Variants in FCGRT observed in about 807,000 individuals in gnomAD.
The protein encoded by FCGRT is Fc gamma receptor and transporter.
In FCGRT, 13 loss-of-function variants were observed where a neutral mutation model predicts 35.7. The ratio of observed to expected loss-of-function variants is 0.36; its 90% CI spans 0.24 to 0.58. The LOEUF (loss-of-function observed/expected upper bound fraction) is 0.58. Ranked by LOEUF, FCGRT falls within the 20% of genes least tolerant of loss-of-function variation. The pLI is 0.77. For missense variants in FCGRT, 455 were observed against 474.9 expected (o/e 0.96, Z 0.39); for synonymous variants, 233 against 216.5 (o/e 1.08, Z -0.67).
rs60876652 is a variant in FCGRT at position 49,522,442 on chromosome 19, T to A, written c.602-2065T>A. Reference sequence around the variant, plus strand: ...AAATTTTTTAAAATTTTTAATTTTTTATTTTTTTTGAGACAGTCTTGCTCT... The same window carrying A: ...AAATTTTTTAAAATTTTTAATTTTTAATTTTTTTTGAGACAGTCTTGCTCT... On this transcript the variant is annotated intron_variant, in intron 4 of 6. Transcript: ENST00000221466. Among the ~76,000 whole-genome samples the A allele has an allele frequency of 7.2e-5, 11 of 151,840 alleles. No individual in the cohort carries two copies. The South Asian group carries it at 8.3e-4, about 11-fold the overall frequency.
chr19:49,513,370 G>GGCC lies in FCGRT; in HGVS notation c.-14-17_-14-16insGCC. 1 of 1,175,942 alleles carries GGCC rather than the reference G, an allele frequency of 8.5e-7. No individual in the cohort carries two copies. Among genetic ancestry groups the GGCC allele is most frequent in the Non-Finnish European group, 1.1e-6 (1 of 926,780 alleles). 72.8% of individuals were successfully genotyped at this position (1,175,942 alleles called of 1,614,324 possible). A position where few individuals can be genotyped will look rare whatever the true frequency, so the allele number is the denominator to read the frequency against. On this transcript the variant is annotated splice_polypyrimidine_tract_variant and intron_variant, in intron 1 of 6. Coordinates refer to ENST00000221466, the MANE Select transcript of FCGRT (RefSeq NM_001136019.3). Reference sequence around the variant, plus strand: ...GGCCGGGGGTCGGGAGGAGTCACGTGCCCCCTCCCGCCCCAGGTCGTCCTC... The same window carrying GGCC: ...GGCCGGGGGTCGGGAGGAGTCACGTGGCCCCCCCTCCCGCCCCAGGTCGTCCTC...
At chr19:49,513,796 A>G (rs2122661087) in intron 2 of FCGRT, 86 bp from the exon 3 acceptor site, 1 of 1,057,544 alleles carries the variant, frequency 9.5e-7, no homozygotes, top group Non-Finnish European at 1.2e-6. Context: ...CCTCCATAAT[A>G]GATTCTTCTC....
At chr19:49,520,113 G>T (rs1336541881) in intron 4 of FCGRT, among the ~76,000 whole-genome samples, 4 of 146,872 alleles carry the variant, frequency 2.7e-5, no homozygotes, top group African/African-American at 1.0e-4. Flanking sequence ...TTACAGGCGT[G>T]AGCCACCGCG....
At chr19:49,523,848 A>G (rs1015159835) in intron 4 of FCGRT, among the ~76,000 whole-genome samples, 1 of 147,716 alleles carries the variant, frequency 6.8e-6, no homozygotes. Context: ...AGACAGAGCA[A>G]GATTCCATCT....
chr19:49,524,607 G>T lies in FCGRT; in HGVS notation c.702G>T (p.Arg234=). The change falls in exon 5 of 7, where the codon CGG becomes CGT. Residue 234 remains arginine (R), a synonymous_variant. Coordinates refer to ENST00000221466, the MANE Select transcript of FCGRT (RefSeq NM_001136019.3). ...FSFYPPELQL[R]FLRNGLAAGT... ...TCTACCCTCCGGAGCTGCAACTTCG[G>T]TTCCTGCGGAATGGGCTGGCCGCTG... is the stretch of plus-strand genomic sequence containing the variant. 2 of 1,611,576 alleles carry T rather than the reference G, an allele frequency of 1.2e-6. No homozygotes were observed. The highest frequency in any genetic ancestry group is 8.5e-7 in the Non-Finnish European group (1 of 1,180,024).
chr19:49,520,381 T>TA (rs1191022733), intron 4 of FCGRT, among the ~76,000 whole-genome samples: 1 of 147,944 alleles, frequency 6.8e-6, no homozygotes, highest in Non-Finnish European at 1.5e-5. Context: ...GTTTCACTCT[T>TA]ATTGCGCAGG....
At chr19:49,518,813 G>A (rs1164575179) in intron 4 of FCGRT, among the ~76,000 whole-genome samples, 1 of 152,076 alleles carries the variant, frequency 6.6e-6, no homozygotes, top group Non-Finnish European at 1.5e-5. Context: ...GGGATTACAG[G>A]CGTGAGCCAC....
chr19:49,514,520 CCT>C lies in FCGRT; in HGVS notation c.601+40_601+41del, dbSNP rs773361431. ...GATCTGCAGCCGCAGGCTGTTCTGT[CCT>C]CTCTCCCGTCATGCCCACCTGCCTC... On this transcript the variant is annotated intron_variant, in intron 4 of 6. Coordinates refer to ENST00000221466, the MANE Select transcript of FCGRT (RefSeq NM_001136019.3). 5 of 1,514,860 alleles carry C rather than the reference CCT, an allele frequency of 3.3e-6. No individual in the cohort carries two copies. In the East Asian group the frequency reaches 1.1e-4, roughly 35 times the overall value. The allele number at this position is 1,514,860 out of a possible 1,614,324, so 93.8% of individuals were successfully genotyped here.
rs548622027 is a variant in FCGRT, at chr19:49,513,935, G to C, written c.127G>C (p.Gly43Arg). The C allele has an allele frequency of 1.5e-4, 249 of 1,613,708 alleles. 2 individuals are homozygous for C. In the South Asian group the frequency reaches 2.0e-3, roughly 13 times the overall value. The change falls in exon 3 of 7, where the codon GGG becomes CGG. Residue 43 changes from glycine (G) to arginine (R), a missense_variant. Physicochemically the swap from Gly to Arg is moderately radical, Grantham distance 125 (BLOSUM62 -2). This residue lies in a region of FCGRT where 136 missense variants were observed against 158.9 expected (regional missense o/e 0.86). Coordinates refer to ENST00000221466, the MANE Select transcript of FCGRT (RefSeq NM_001136019.3). The stretch of plus-strand genomic sequence containing the variant: ...TACCGCGGTGTCCTCGCCTGCCCCG[G>C]GGACTCCTGCCTTCTGGGTGTCCGG... ...HLTAVSSPAP[G>R]TPAFWVSGWL...
Position 49,525,547 on chromosome 19 carries a change from G to C in FCGRT, c.962G>C (p.Trp321Ser). 2 of 1,613,304 alleles carry C rather than the reference G, an allele frequency of 1.2e-6. No homozygotes were observed. Among genetic ancestry groups the C allele is most frequent in the Non-Finnish European group, 1.7e-6 (2 of 1,179,836 alleles). Residue 321 changes from tryptophan (W) to serine (S), a missense_variant, in exon 6 of 7, where the codon TGG (tryptophan) becomes TCG (serine). Coordinates refer to ENST00000221466, the MANE Select transcript of FCGRT (RefSeq NM_001136019.3). The part of the protein sequence containing the change: ...TAAAVGGALL[W>S]RRMRSGLPAP... ...GCGGCTGTAGGAGGAGCTCTGTTGTGGAGAAGGATGAGGAGTGGGCTGCCA... is the reference window on the plus strand; with the variant it reads ...GCGGCTGTAGGAGGAGCTCTGTTGTCGAGAAGGATGAGGAGTGGGCTGCCA...
intron 4 of FCGRT, among the ~76,000 whole-genome samples, chr19:49,517,644 A>T (rs1216143628): frequency 2.0e-5 from 3 of 152,004 alleles, no homozygotes; most frequent in East Asian, 3.8e-4. Flanking sequence ...TCACTTCCCC[A>T]CCCCACTTCA....
intron 1 of FCGRT, chr19:49,513,088 T>A (rs1222453717): frequency 1.0e-5 from 1 of 99,722 alleles, no homozygotes; most frequent in African/African-American, 6.5e-5. Context: ...GGAAGAGCGG[T>A]TGGGGGCCTG....
chr19:49,518,690 C>T (rs1316465071), intron 4 of FCGRT, among the ~76,000 whole-genome samples: 8 of 152,146 alleles, frequency 5.3e-5, no homozygotes, highest in East Asian at 1.9e-4. Context: ...CAAGCCACCA[C>T]GCCCTGCTAA....
At position 49,514,437 on chromosome 19, in the gene FCGRT, C is replaced by T. The variant is rs376030037; in HGVS notation, c.552C>T (p.His184=). ...CCTTCCTGCTATTCTCCTGCCCGCACCGCCTGCGGGAGCACCTGGAGAGGG... is the reference window on the plus strand; with the variant it reads ...CCTTCCTGCTATTCTCCTGCCCGCATCGCCTGCGGGAGCACCTGGAGAGGG... ...ELTFLLFSCP[H]RLREHLERGR... is the part of the protein sequence containing the mutation. The change falls in exon 4 of 7, where the codon CAC becomes CAT. Residue 184 remains histidine, a synonymous_variant. Coordinates refer to ENST00000221466, the MANE Select transcript of FCGRT (RefSeq NM_001136019.3). The T allele has an allele frequency of 1.7e-4, 273 of 1,582,288 alleles. No homozygotes were observed. Among genetic ancestry groups the T allele is most frequent in the Non-Finnish European group, 2.3e-4 (264 of 1,160,612 alleles).
At position 49,524,754 on chromosome 19, in the gene FCGRT, G is replaced by A. The variant is rs761660729; in HGVS notation, c.849G>A (p.Ala283=). Residue 283 remains alanine (A), a synonymous_variant, in exon 5 of 7, where the codon GCG becomes GCA. Transcript: ENST00000221466. ...YCCIVQHAGL[A]QPLRVELESP... is the part of the protein sequence containing the mutation. The stretch of plus-strand genomic sequence containing the variant: ...GCATTGTGCAGCACGCGGGGCTGGC[G>A]CAGCCCCTCAGGGTGGAGCTGGGTG... The A allele has an allele frequency of 1.7e-5, 28 of 1,600,370 alleles. No homozygotes were observed. The highest frequency in any genetic ancestry group is 4.0e-5 in the African/African-American group (3 of 74,916).
intron 4 of FCGRT, 52 bp from the exon 5 acceptor site, chr19:49,524,455 C>T: frequency 6.4e-7 from 1 of 1,571,520 alleles, no homozygotes; most frequent in South Asian, 1.2e-5. Context: ...CCAGCCCTGG[C>T]TCTGGGAGTG....
intron 1 of FCGRT, 88 bp from the exon 2 acceptor site, chr19:49,513,299 C>G: frequency 3.8e-6 from 2 of 532,420 alleles, no homozygotes; most frequent in Middle Eastern, 5.5e-4. Context: ...CCCTCCTCGG[C>G]GTCCTGGTCC....
intron 6 of FCGRT, 39 bp downstream of exon 6, chr19:49,525,612 C>CA (rs767079527): frequency 7.1e-7 from 1 of 1,411,278 alleles, no homozygotes; most frequent in Non-Finnish European, 1.0e-6. Flanking sequence ...GAGAGAGGGA[C>CA]AGAGACCCCA....
chr19:49,525,442 G>A lies in FCGRT; in HGVS notation c.872-15G>A, dbSNP rs752280951. On this transcript the variant is annotated splice_polypyrimidine_tract_variant and intron_variant, in intron 5 of 6. Coordinates refer to ENST00000221466, the MANE Select transcript of FCGRT (RefSeq NM_001136019.3). Reference sequence around the variant, plus strand: ...GAGGGGCTGCTCCACATCTCACAGCGTTCTCTGGCTGCAGAATCTCCAGCC... The same window carrying A: ...GAGGGGCTGCTCCACATCTCACAGCATTCTCTGGCTGCAGAATCTCCAGCC... 1.5e-5 allele frequency: 24 copies of A among 1,600,762 alleles called. No individual in the cohort carries two copies. Among genetic ancestry groups the A allele is most frequent in the Non-Finnish European group, 1.9e-5 (22 of 1,168,408 alleles).
Sources: gnomAD v4.1 joint callset for allele counts (sites outside exome capture counted in the v4.1 genomes callset) on GRCh38, gnomAD v4.1.1 for gene constraint, gnomAD v4.1.1 regional missense constraint, MANE v1.5 for transcripts, NCBI Gene and HGNC (gene_info 2026-07-23, HGNC 2026-07-21) for gene names.